RIMS2: variants seen among roughly 807,000 people sequenced by gnomAD.
RIMS2 encodes regulating synaptic membrane exocytosis protein 2.
In RIMS2, 59 loss-of-function variants were observed where a neutral mutation model predicts 174.4. That is an observed-to-expected ratio of 0.34 (90% CI 0.27 to 0.42). The LOEUF (loss-of-function observed/expected upper bound fraction) is 0.42. RIMS2 is among the 10% of genes least tolerant of loss of function. RIMS2 has a pLI of 1.00. For synonymous variants in RIMS2, 606 were observed against 572.5 expected, an observed-to-expected ratio of 1.06 and a Z score of -0.84; for missense variants, 1,620 against 1,666.3, an observed-to-expected ratio of 0.97 and a Z score of 0.48.
At chr8:103,711,102 CTT>C (rs980172086) in intron 2 of RIMS2, among the ~76,000 whole-genome samples, 1 of 152,196 alleles carries the variant, frequency 6.6e-6, no homozygotes, top group South Asian at 2.1e-4. Context: ...AGAACACTAT[CTT>C]TTTTGTGGAT....
intron 14 of RIMS2, among the ~76,000 whole-genome samples, chr8:103,950,465 G>C (rs186675238): frequency 6.6e-6 from 1 of 152,014 alleles, no homozygotes; most frequent in East Asian, 1.9e-4. Context: ...TTATACCACG[G>C]ATGCAATGTT....
chr8:104,137,098 A>G (rs566233109), intron 19 of RIMS2, among the ~76,000 whole-genome samples: 60 of 152,340 alleles, frequency 3.9e-4, no homozygotes, highest in African/African-American at 1.4e-3. Flanking sequence ...ATTGAATTAC[A>G]TACTTTTCAA....
At chr8:104,138,251 C>T (rs117318266) in intron 19 of RIMS2, among the ~76,000 whole-genome samples, 2,425 of 152,206 alleles carry the variant, frequency 0.016, 33 homozygotes, top group Non-Finnish European at 0.025. Context: ...GCTGCAATAA[C>T]CATGAGAATG....
chr8:104,061,445 C>T (rs994002000), intron 19 of RIMS2, among the ~76,000 whole-genome samples: 3 of 151,884 alleles, frequency 2.0e-5, no homozygotes, highest in Non-Finnish European at 2.9e-5. Flanking sequence ...TTACACTTTT[C>T]TTCTTATAAA....
chr8:103,501,930 G>T (rs1820313354), intron 1 of RIMS2, among the ~76,000 whole-genome samples: 1 of 152,190 alleles, frequency 6.6e-6, no homozygotes, highest in African/African-American at 2.4e-5. Context: ...TCCAGACAGG[G>T]TTATCTTTAG....
chr8:103,817,615 C>T (rs1593071146), intron 3 of RIMS2, among the ~76,000 whole-genome samples: 2 of 151,888 alleles, frequency 1.3e-5, no homozygotes, highest in South Asian at 2.1e-4. Flanking sequence ...ACCCTGTCTC[C>T]ACTAAAAATA....
intron 3 of RIMS2, among the ~76,000 whole-genome samples, chr8:103,802,637 A>C (rs1473210997): frequency 6.6e-6 from 1 of 152,198 alleles, no homozygotes; most frequent in Non-Finnish European, 1.5e-5. Flanking sequence ...GTTTGAAATA[A>C]ATTTCTTCTT....
At chr8:103,922,927 A>G (rs1330450846) in intron 10 of RIMS2, among the ~76,000 whole-genome samples, 2 of 151,980 alleles carry the variant, frequency 1.3e-5, no homozygotes, top group African/African-American at 4.8e-5. Flanking sequence ...AAAGTTATGT[A>G]AGGAATATGT....
At chr8:104,000,072 A>T (rs1379784072) in intron 17 of RIMS2, among the ~76,000 whole-genome samples, 2 of 151,776 alleles carry the variant, frequency 1.3e-5, no homozygotes, top group Non-Finnish European at 3.0e-5. Flanking sequence ...GCCTTGCCCT[A>T]GTGCAACAGA....
chr8:104,067,328 T>A (rs2097123200), intron 19 of RIMS2, among the ~76,000 whole-genome samples: 1 of 152,206 alleles, frequency 6.6e-6, no homozygotes, highest in African/African-American at 2.4e-5. Flanking sequence ...TTGTAGTATA[T>A]GATCGAGATT....
chr8:104,248,728 C>G, exon 21 of RIMS2: 1 of 1,611,960 alleles, frequency 6.2e-7, no homozygotes, highest in East Asian at 2.2e-5. Context: ...TTCGCTTGGC[C>G]TCTGATAGCC....
intron 2 of RIMS2, among the ~76,000 whole-genome samples, chr8:103,720,383 G>A (rs548869743): frequency 1.3e-5 from 2 of 152,034 alleles, no homozygotes; most frequent in African/African-American, 4.8e-5. Context: ...CATCATTTTT[G>A]ATTATTCCAT....
chr8:103,809,755 A>G (rs2098674935), intron 3 of RIMS2, among the ~76,000 whole-genome samples: 1 of 152,174 alleles, frequency 6.6e-6, no homozygotes, highest in South Asian at 2.1e-4. Flanking sequence ...TAATCAGCAC[A>G]TATTACTGAT....
Position 104,245,067 on chromosome 8 carries a change from G to T in RIMS2, c.3476+10G>T. The T allele has an allele frequency of 6.2e-7, 1 of 1,613,162 alleles. No homozygotes were observed. Among genetic ancestry groups the T allele is most frequent in the Non-Finnish European group, 8.5e-7 (1 of 1,179,410 alleles). The stretch of plus-strand genomic sequence containing the variant: ...ACAGCTCAGAAGGAAAGTGAGTGAG[G>T]CTGCATGTGATGTGTGTCTCCTCCG... On this transcript the variant is annotated intron_variant, in intron 20 of 23. Transcript: ENST00000504942.
chr8:103,559,404 C>T (rs1359353529), intron 1 of RIMS2: 3 of 355,122 alleles, frequency 8.4e-6, no homozygotes, highest in Non-Finnish European at 1.6e-5. Flanking sequence ...TGGAGCATGC[C>T]AGTGATCCGA....
chr8:104,121,917 C>T (rs948492181), intron 19 of RIMS2, among the ~76,000 whole-genome samples: 1 of 152,058 alleles, frequency 6.6e-6, no homozygotes, highest in African/African-American at 2.4e-5. Flanking sequence ...GCATAGATCA[C>T]GCCATTGCAC....
intron 19 of RIMS2, among the ~76,000 whole-genome samples, chr8:104,036,408 C>A (rs1281357441): frequency 6.6e-6 from 1 of 151,678 alleles, no homozygotes; most frequent in East Asian, 2.0e-4. Context: ...GCCTCGGCCT[C>A]CCAAAGTGCT....
At chr8:103,827,840 A>G (rs897395735) in intron 3 of RIMS2, among the ~76,000 whole-genome samples, 1 of 152,148 alleles carries the variant, frequency 6.6e-6, no homozygotes, top group Non-Finnish European at 1.5e-5. Context: ...CTTTATCTCA[A>G]AAAATAAAAA....
At chr8:103,794,003 C>G (rs1255085172) in intron 3 of RIMS2, among the ~76,000 whole-genome samples, 2 of 152,146 alleles carry the variant, frequency 1.3e-5, no homozygotes, top group Middle Eastern at 3.2e-3. Flanking sequence ...AATGGCCATA[C>G]TGCCCAAGGT....
Sources: gnomAD v4.1 joint callset for allele counts (sites outside exome capture counted in the v4.1 genomes callset) on GRCh38, gnomAD v4.1.1 for gene constraint, MANE v1.5 for transcripts, NCBI Gene and HGNC (gene_info 2026-07-23, HGNC 2026-07-21) for gene names.